Variants in CADM2 observed in about 807,000 individuals in gnomAD.
The protein encoded by CADM2 is immunoglobulin superfamily member 4D.
A neutral mutation model predicts 49.8 loss-of-function variants in CADM2; 12 were observed. The ratio of observed to expected loss-of-function variants is 0.24; its 90% CI spans 0.15 to 0.39. The LOEUF (loss-of-function observed/expected upper bound fraction) is 0.39. CADM2 is among the 10% of genes least tolerant of loss of function. CADM2 has a pLI of 1.00. For synonymous variants in CADM2, 214 were observed against 175.4 expected, an observed-to-expected ratio of 1.22 and a Z score of -1.74; for missense variants, 378 against 492.3, an observed-to-expected ratio of 0.77 and a Z score of 2.20.
chr3:85,105,624 G>T (rs1386465417), intron 1 of CADM2, among the ~76,000 whole-genome samples: 1 of 152,116 alleles, frequency 6.6e-6, no homozygotes, highest in Non-Finnish European at 1.5e-5. Flanking sequence ...AAATCATGCT[G>T]CTATAAAGAC....
At chr3:85,473,972 T>A (rs930522928) in intron 1 of CADM2, among the ~76,000 whole-genome samples, 3 of 152,014 alleles carry the variant, frequency 2.0e-5, no homozygotes, top group Non-Finnish European at 2.9e-5. Flanking sequence ...TGATTAAATA[T>A]ATTCTCTTTC....
intron 2 of CADM2, among the ~76,000 whole-genome samples, chr3:85,770,097 A>T (rs1577270685): frequency 6.6e-6 from 1 of 152,264 alleles, no homozygotes; most frequent in Middle Eastern, 3.4e-3. Flanking sequence ...CTCTACGGGT[A>T]ACTAACTGTG....
chr3:86,044,176 A>G (rs1007788958), intron 8 of CADM2, among the ~76,000 whole-genome samples: 2 of 152,226 alleles, frequency 1.3e-5, no homozygotes, highest in African/African-American at 4.8e-5. Flanking sequence ...CTAAAACACA[A>G]AAAGCAACGG....
intron 1 of CADM2, among the ~76,000 whole-genome samples, chr3:84,981,619 A>G (rs1333648959): frequency 1.3e-5 from 2 of 151,838 alleles, no homozygotes; most frequent in East Asian, 1.9e-4. Flanking sequence ...TTCCTTCCCT[A>G]TCTTTCTTTC....
At chr3:85,782,399 G>A (rs1013493701) in intron 2 of CADM2, among the ~76,000 whole-genome samples, 4 of 152,016 alleles carry the variant, frequency 2.6e-5, no homozygotes, top group Admixed American at 6.6e-5. Context: ...ATTTCTTGCC[G>A]AGTGAGATGG....
chr3:85,804,777 A>T (rs1307961313), intron 3 of CADM2, among the ~76,000 whole-genome samples: 1 of 152,180 alleles, frequency 6.6e-6, no homozygotes, highest in African/African-American at 2.4e-5. Flanking sequence ...GCCATAAAAG[A>T]TTTGCAAAGA....
intron 2 of CADM2, among the ~76,000 whole-genome samples, chr3:85,780,138 A>T (rs1577295337): frequency 6.6e-6 from 1 of 152,338 alleles, no homozygotes; most frequent in East Asian, 1.9e-4. Flanking sequence ...AACTCTCATA[A>T]TAGTTTTTAT....
intron 1 of CADM2, among the ~76,000 whole-genome samples, chr3:85,425,886 G>A (rs2036379151): frequency 6.6e-6 from 1 of 152,156 alleles, no homozygotes. Context: ...TGATAATGTG[G>A]AGGTCTAAAG....
At chr3:85,979,418 C>G in intron 8 of CADM2, 1 of 944,378 alleles carries the variant, frequency 1.1e-6, no homozygotes, top group South Asian at 2.2e-5. Flanking sequence ...AAATTGCTAT[C>G]AATTAGGGTT....
chr3:85,692,869 T>G (rs758949989), intron 1 of CADM2, among the ~76,000 whole-genome samples: 13 of 152,324 alleles, frequency 8.5e-5, no homozygotes, highest in Non-Finnish European at 1.6e-4. Context: ...GACTCAGAAT[T>G]AGAGGATACC....
intron 1 of CADM2, among the ~76,000 whole-genome samples, chr3:85,259,557 A>G (rs1376620257): frequency 1.3e-5 from 2 of 152,084 alleles, no homozygotes; most frequent in African/African-American, 4.8e-5. Context: ...TTTCCTTTAA[A>G]CATTTACAAA....
At position 85,353,523 on chromosome 3, in the gene CADM2, T is replaced by C. The variant is rs575986174; in HGVS notation, c.62-372999T>C. Among the ~76,000 whole-genome samples the C allele has an allele frequency of 3.3e-5, 5 of 152,054 alleles. No homozygotes were observed. In the South Asian group the frequency reaches 1.0e-3, roughly 32 times the overall value. ...TATTAATTATATTTTTTCTGTTCCT[T>C]TCTTTAGTTGATGGTTTCTTTTTTT... On this transcript the variant is annotated intron_variant, in intron 1 of 9. Coordinates refer to ENST00000383699, the MANE Select transcript of CADM2 (RefSeq NM_001167675.2).
At chr3:85,422,288 C>A (rs972888962) in intron 1 of CADM2, among the ~76,000 whole-genome samples, 1 of 151,978 alleles carries the variant, frequency 6.6e-6, no homozygotes, top group Admixed American at 6.6e-5. Context: ...AATGCAGCAG[C>A]CTTTTTTTTT....
chr3:85,142,596 T>C (rs955442204), intron 1 of CADM2, among the ~76,000 whole-genome samples: 2 of 152,208 alleles, frequency 1.3e-5, no homozygotes, highest in Non-Finnish European at 2.9e-5. Context: ...GTTATAGACT[T>C]ACAGCATTAT....
At chr3:86,043,132 G>T (rs982403758) in intron 8 of CADM2, among the ~76,000 whole-genome samples, 9 of 152,118 alleles carry the variant, frequency 5.9e-5, no homozygotes, top group African/African-American at 1.9e-4. Flanking sequence ...CGTACTGAAT[G>T]GGCAAAAACT....
chr3:85,831,606 AT>A (rs2074189715), intron 3 of CADM2, among the ~76,000 whole-genome samples: 1 of 151,850 alleles, frequency 6.6e-6, no homozygotes, highest in Admixed American at 6.6e-5. Flanking sequence ...TTTAAAATAT[AT>A]TTTTGGCCCC....
At chr3:85,735,004 G>GTA (rs2068078315) in intron 2 of CADM2, among the ~76,000 whole-genome samples, 1 of 145,998 alleles carries the variant, frequency 6.8e-6, no homozygotes, top group Non-Finnish European at 1.5e-5. Flanking sequence ...GTGTGTATGT[G>GTA]TGTGTGTTGT....
intron 1 of CADM2, among the ~76,000 whole-genome samples, chr3:85,526,514 G>A (rs569879902): frequency 1.3e-5 from 2 of 152,264 alleles, no homozygotes; most frequent in East Asian, 3.9e-4. Context: ...TATAATAGGA[G>A]GAACACTGAC....
rs996603577 is a variant in CADM2, at chr3:85,595,387, T to C, written c.62-131135T>C. 2.0e-5 allele frequency among the ~76,000 whole-genome samples: 3 copies of C among 152,054 alleles called. No individual in the cohort carries two copies. The East Asian group carries it at 5.8e-4, about 29-fold the overall frequency. ...TAAGAACATGGCTAGACTGGCAAAA[T>C]ATGCAAACAGTTCACAGAACTATAT... On this transcript the variant is annotated intron_variant, in intron 1 of 9. Transcript: ENST00000383699.
Sources: allele counts gnomAD v4.1 joint callset (sites outside exome capture counted in the v4.1 genomes callset), GRCh38; gene constraint gnomAD v4.1.1; transcripts MANE v1.5; gene names NCBI Gene and HGNC (gene_info 2026-07-23, HGNC 2026-07-21).